Variants in DLEU7 observed in about 807,000 individuals in gnomAD.
DLEU7 encodes the protein deleted in lymphocytic leukemia 7, also known as leukemia-associated protein 7.
Under a neutral mutation model 16.0 loss-of-function variants are expected in DLEU7, and 17 were observed. The observed-to-expected ratio is 1.06, with a 90% CI of 0.73 to 1.59. The LOEUF (loss-of-function observed/expected upper bound fraction) is 1.59, where lower values mean the gene tolerates loss of function less well. DLEU7 is among the 40% of genes most tolerant of loss of function. The pLI is 0.00. For synonymous variants in DLEU7, 113 were observed against 139.8 expected (o/e 0.81, Z 1.35); for missense variants, 308 against 314.9 (o/e 0.98, Z 0.17).
chr13:50,766,653 T>C (rs1191724668), intron 1 of DLEU7, among the ~76,000 whole-genome samples: 1 of 152,022 alleles, frequency 6.6e-6, no homozygotes, highest in African/African-American at 2.4e-5. Flanking sequence ...GTCCCTACAT[T>C]CCCTAGGCCT....
At chr13:50,750,473 A>G (rs1010176949) in intron 1 of DLEU7, among the ~76,000 whole-genome samples, 1 of 152,112 alleles carries the variant, frequency 6.6e-6, no homozygotes, top group Admixed American at 6.5e-5. Flanking sequence ...TCGGTGAAGA[A>G]TGATGGTGAT....
intron 1 of DLEU7, among the ~76,000 whole-genome samples, chr13:50,809,877 A>C (rs1876512950): frequency 6.6e-6 from 1 of 152,108 alleles, no homozygotes; most frequent in Admixed American, 6.6e-5. Context: ...CATTCACCAC[A>C]AGAAGAAAAT....
At chr13:50,780,265 T>C (rs930954529) in intron 1 of DLEU7, among the ~76,000 whole-genome samples, 1 of 152,220 alleles carries the variant, frequency 6.6e-6, no homozygotes, top group African/African-American at 2.4e-5. Flanking sequence ...CATTCCTAGA[T>C]AGCAGTTTCT....
chr13:50,784,191 G>A (rs1041619228), intron 1 of DLEU7, among the ~76,000 whole-genome samples: 1 of 152,190 alleles, frequency 6.6e-6, no homozygotes, highest in Non-Finnish European at 1.5e-5. Context: ...GTTGTATTAA[G>A]ATATATTTCT....
chr13:50,722,895 C>G (rs1434106896), intron 1 of DLEU7, among the ~76,000 whole-genome samples: 1 of 152,152 alleles, frequency 6.6e-6, no homozygotes, highest in Non-Finnish European at 1.5e-5. Flanking sequence ...TATAGTACAA[C>G]CTGGCAACCA....
At chr13:50,782,666 G>A (rs1875687343) in intron 1 of DLEU7, among the ~76,000 whole-genome samples, 1 of 151,370 alleles carries the variant, frequency 6.6e-6, no homozygotes, top group Non-Finnish European at 1.5e-5. Flanking sequence ...TGAGCTTCTT[G>A]AAGTCAGAAG....
intron 1 of DLEU7, among the ~76,000 whole-genome samples, chr13:50,754,967 C>A (rs771581037): frequency 2.1e-4 from 32 of 152,306 alleles, no homozygotes; most frequent in Non-Finnish European, 4.4e-4. Context: ...TCACTGGATA[C>A]AAAATTCTTG....
At chr13:50,799,735 T>C (rs1876197901) in intron 1 of DLEU7, among the ~76,000 whole-genome samples, 1 of 152,204 alleles carries the variant, frequency 6.6e-6, no homozygotes. Context: ...AGTGGTATTA[T>C]ATTAGGACCC....
intron 1 of DLEU7, among the ~76,000 whole-genome samples, chr13:50,753,528 A>G (rs1429483764): frequency 2.0e-5 from 3 of 152,200 alleles, no homozygotes; most frequent in African/African-American, 7.2e-5. Flanking sequence ...GACCCAGTAC[A>G]TCCTCCACAG....
At chr13:50,833,199 G>A (rs1877336106) in intron 1 of DLEU7, among the ~76,000 whole-genome samples, 1 of 152,156 alleles carries the variant, frequency 6.6e-6, no homozygotes, top group South Asian at 2.1e-4. Context: ...TCTGGCCAGG[G>A]CAATCACGCA....
chr13:50,779,813 T>C (rs1055447840), intron 1 of DLEU7, among the ~76,000 whole-genome samples: 4 of 152,188 alleles, frequency 2.6e-5, no homozygotes, highest in Non-Finnish European at 5.9e-5. Context: ...GGCGTCTTTA[T>C]TGAAGGACTT....
At chr13:50,721,586 AT>A (rs1340427795) in intron 1 of DLEU7, among the ~76,000 whole-genome samples, 1 of 152,226 alleles carries the variant, frequency 6.6e-6, no homozygotes, top group East Asian at 1.9e-4. Context: ...TGGCAAAAAA[AT>A]GAATAAAAAT....
chr13:50,814,307 C>CCCAT (rs954245307), intron 1 of DLEU7, among the ~76,000 whole-genome samples: 27 of 151,936 alleles, frequency 1.8e-4, no homozygotes, highest in Admixed American at 8.5e-4. Flanking sequence ...CATCTATCCA[C>CCCAT]CCATCCATCC....
intron 1 of DLEU7, among the ~76,000 whole-genome samples, chr13:50,718,553 T>G (rs1873503164): frequency 6.6e-6 from 1 of 152,200 alleles, no homozygotes; most frequent in Non-Finnish European, 1.5e-5. Flanking sequence ...CTGGGATTTT[T>G]CTTCACGGGA....
At chr13:50,792,120 T>C (rs1392253658) in intron 1 of DLEU7, among the ~76,000 whole-genome samples, 5 of 152,218 alleles carry the variant, frequency 3.3e-5, no homozygotes, top group Non-Finnish European at 7.3e-5. Context: ...ATTCTTTAAA[T>C]TGATAACACT....
intron 1 of DLEU7, among the ~76,000 whole-genome samples, chr13:50,794,898 A>G (rs1876066969): frequency 6.6e-6 from 1 of 151,918 alleles, no homozygotes; most frequent in Non-Finnish European, 1.5e-5. Flanking sequence ...GTTATCATAC[A>G]TGATAAAATA....
At chr13:50,841,682 G>A (rs1184385299) in intron 1 of DLEU7, among the ~76,000 whole-genome samples, 4 of 149,294 alleles carry the variant, frequency 2.7e-5, no homozygotes, top group Non-Finnish European at 5.9e-5. Context: ...TGTTATGATC[G>A]CACCTGTGAA....
rs1023572563 is a variant in DLEU7, at chr13:50,823,429, C to T, written c.551G>A (p.Cys184Tyr). The T allele has an allele frequency of 2.6e-6, 4 of 1,535,808 alleles. No homozygotes were observed. The African/African-American group carries it at 5.5e-5, about 21-fold the overall frequency. The change falls in exon 2 of 2, where the codon TGT (cysteine) becomes TAT (tyrosine). Residue 184 changes from cysteine to tyrosine, a missense_variant. Cys to Tyr is a radical substitution (Grantham distance 194, BLOSUM62 -2). Coordinates refer to ENST00000504404, the MANE Select transcript of DLEU7 (RefSeq NM_001306135.2). ...CAGCTTCTTGACTATTGTCTTCAAA[C>T]ACTGGTGGGCAGCATTCAAGTCTCT... ...FDRDLNAAHQ[C>Y]LKTIVKKLIQ... is the part of the protein sequence containing the mutation.
At chr13:50,722,538 T>TA (rs1202428201) in intron 1 of DLEU7, among the ~76,000 whole-genome samples, 1 of 152,194 alleles carries the variant, frequency 6.6e-6, no homozygotes, top group Non-Finnish European at 1.5e-5. Context: ...TACATTAAAT[T>TA]AAAAAAATTC....
Sources: allele counts gnomAD v4.1 joint callset (sites outside exome capture counted in the v4.1 genomes callset), GRCh38; gene constraint gnomAD v4.1.1; transcripts MANE v1.5; gene names NCBI Gene and HGNC (gene_info 2026-07-23, HGNC 2026-07-21).